The following SEMA3F variants were observed in gnomAD, a reference collection of about 807,000 sequenced individuals.
The protein encoded by SEMA3F is semaphorin-3F.
In SEMA3F, 30 loss-of-function variants were observed where a neutral mutation model predicts 98.5. That is an observed-to-expected ratio of 0.30 (90% confidence interval 0.23 to 0.41). SEMA3F has a LOEUF of 0.41. Ranked by LOEUF, SEMA3F falls within the 10% of genes least tolerant of loss-of-function variation. The pLI is 1.00. For synonymous variants in SEMA3F, 380 were observed against 444.8 expected (o/e 0.85, Z 1.83); for missense variants, 866 against 1,119.3 (o/e 0.77, Z 3.23).
intron 7 of SEMA3F, among the ~76,000 whole-genome samples, chr3:50,178,148 A>C (rs927415690): frequency 2.6e-5 from 4 of 152,084 alleles, no homozygotes; most frequent in Non-Finnish European, 4.4e-5. Context: ...AGGCTGAGGC[A>C]GGAGAATCAC....
Position 50,185,424 on chromosome 3 carries a change from C to A in SEMA3F, c.1457-19C>A. On this transcript the variant is annotated intron_variant, in intron 13 of 18. Coordinates refer to ENST00000002829, the MANE Select transcript of SEMA3F (RefSeq NM_004186.5). ...CCAGCATCCCCAGCCCCACTGAGGC[C>A]CTGCCCGGCCCGTTCCAGACCGCGG... 5.0e-6 allele frequency: 8 copies of A among 1,606,646 alleles called. No individual in the cohort carries two copies. Among genetic ancestry groups the A allele is most frequent in the Non-Finnish European group, 6.8e-6 (8 of 1,176,610 alleles).
At position 50,159,579 on chromosome 3, in the gene SEMA3F, C is replaced by G; in HGVS notation, c.-44C>G. 8.1e-7 allele frequency: 1 copy of G among 1,239,394 alleles called. No homozygotes were observed. Among genetic ancestry groups the G allele is most frequent in the South Asian group, 1.3e-5 (1 of 77,746 alleles). 76.8% of individuals were successfully genotyped at this position (1,239,394 alleles called of 1,614,324 possible). A position where few individuals can be genotyped will look rare whatever the true frequency, so the allele number is the denominator to read the frequency against. On this transcript the variant is annotated 5_prime_UTR_variant, in exon 2 of 19. Coordinates refer to ENST00000002829, the MANE Select transcript of SEMA3F (RefSeq NM_004186.5). ...AATCTTGGTTCCCCTTCCCAGGTTT[C>G]TAGAGAGTGGAGCCTGCTTCCTGGG...
intron 7 of SEMA3F, among the ~76,000 whole-genome samples, chr3:50,178,654 G>A (rs1698904238): frequency 6.6e-6 from 1 of 150,634 alleles, no homozygotes; most frequent in African/African-American, 2.4e-5. Flanking sequence ...CCTGGGAGGT[G>A]GAAGTTGCAG....
At chr3:50,185,367 T>G (rs570556081) in intron 13 of SEMA3F, 76 bp from the exon 14 acceptor site, 2 of 1,402,120 alleles carry the variant, frequency 1.4e-6, no homozygotes, top group South Asian at 2.6e-5. Flanking sequence ...TGGGCCCTGG[T>G]GGGGGAAGGG....
rs559752131 is a variant in SEMA3F at position 50,156,296 on chromosome 3, G to A, written c.-49+732G>A. On this transcript the variant is annotated intron_variant, in intron 1 of 18. Coordinates refer to ENST00000002829, the MANE Select transcript of SEMA3F (RefSeq NM_004186.5). This position sits in a 1 kb window ranked among gnomAD's most constrained non-coding sequence, Gnocchi z 4.5. ...TTGGCGGGGTTGCCCCCAGCAGATGGGACAGGAGGGTATCAAAGTTGGCCT... is the reference window on the plus strand; with the variant it reads ...TTGGCGGGGTTGCCCCCAGCAGATGAGACAGGAGGGTATCAAAGTTGGCCT... Among the ~76,000 whole-genome samples, 35 of 152,362 alleles carry A rather than the reference G, an allele frequency of 2.3e-4. No individual in the cohort carries two copies. Among genetic ancestry groups the A allele is most frequent in the Middle Eastern group, 3.4e-3 (1 of 294 alleles).
chr3:50,185,889 C>A lies in SEMA3F; in HGVS notation c.1588C>A (p.Gln530Lys). ...GACAAGGCCCTACCCTTTGCCCCAG[C>A]AACAACTCTACGTGGCGTCAGCCGT... The part of the protein sequence containing the change: ...VKTMTISSKR[Q>K]QLYVASAVGV... Residue 530 changes from glutamine to lysine, a missense_variant and splice_region_variant, in exon 16 of 19, where the codon CAA (glutamine) becomes AAA (lysine). By Grantham distance (53) the Gln-to-Lys change is moderately conservative (BLOSUM62 1). Transcript: ENST00000002829. The A allele has an allele frequency of 6.2e-7, 1 of 1,610,270 alleles. No homozygotes were observed.
Position 50,156,243 on chromosome 3 carries a change from G to A in SEMA3F, c.-49+679G>A, listed in dbSNP as rs1697975972. Among the ~76,000 whole-genome samples, 1 of 152,242 alleles carries A rather than the reference G, an allele frequency of 6.6e-6. No individual in the cohort carries two copies. The highest frequency in any genetic ancestry group is 2.1e-4 in the South Asian group (1 of 4,836). On this transcript the variant is annotated intron_variant, in intron 1 of 18. Transcript: ENST00000002829. The surrounding 1 kb of genome is among the most constrained non-coding windows in gnomAD (Gnocchi z 4.5). Reference sequence around the variant, plus strand: ...CCTAGTTTGAACCAGGGGTCCCAGTGGTGAAGTGGGCAGGGGACAGCGGGG... The same window carrying A: ...CCTAGTTTGAACCAGGGGTCCCAGTAGTGAAGTGGGCAGGGGACAGCGGGG...
chr3:50,177,127 T>C (rs1352700776), intron 7 of SEMA3F, among the ~76,000 whole-genome samples: 2 of 152,228 alleles, frequency 1.3e-5, no homozygotes, highest in South Asian at 2.1e-4. Context: ...ACACACAATG[T>C]GGTCCATGCA....
chr3:50,186,192 A>C (rs1284853653), intron 16 of SEMA3F, 89 bp from the exon 17 acceptor site: 2 of 1,498,588 alleles, frequency 1.3e-6, no homozygotes, highest in Non-Finnish European at 1.8e-6. Context: ...CCCTGGGGAA[A>C]AAGGGCCCTG....
At chr3:50,160,306 C>T (rs1698156892) in intron 2 of SEMA3F, among the ~76,000 whole-genome samples, 1 of 152,170 alleles carries the variant, frequency 6.6e-6, no homozygotes, top group South Asian at 2.1e-4. Context: ...CCGGTGGGTT[C>T]AGGCAGAGCA....
chr3:50,163,147 C>T (rs1383777762), intron 2 of SEMA3F, among the ~76,000 whole-genome samples: 2 of 152,188 alleles, frequency 1.3e-5, no homozygotes, highest in African/African-American at 2.4e-5. Flanking sequence ...TTCACATGAG[C>T]TAGGAACAAG....
chr3:50,174,031 T>G, intron 3 of SEMA3F, 21 bp from the exon 4 acceptor site: 2 of 1,614,016 alleles, frequency 1.2e-6, no homozygotes, highest in Non-Finnish European at 1.7e-6. Context: ...AGGCTGCACC[T>G]TCTGACCCCC....
chr3:50,174,399 T>G, intron 5 of SEMA3F, 49 bp downstream of exon 5: 1 of 1,575,074 alleles, frequency 6.3e-7, no homozygotes, highest in Non-Finnish European at 8.6e-7. Flanking sequence ...GGTGGCTGCA[T>G]CCCAGGGTCC....
rs1285043620 is a variant in SEMA3F, at chr3:50,184,661, AT to A, written c.1304del (p.Met435SerfsTer20). 6.2e-7 allele frequency: 1 copy of A among 1,614,162 alleles called. No homozygotes were observed. On this transcript the variant is annotated frameshift_variant, in exon 13 of 19. Transcript: ENST00000002829. LOFTEE classifies it high-confidence loss of function. ...TTATCCTGATGAGGTGATCAACTTC[AT>A]GCGCAGCCACCCACTCATGTACCAG... The part of the protein sequence containing the change: ...KDYPDEVINF[M>X]RSHPLMYQAV...
intron 2 of SEMA3F, among the ~76,000 whole-genome samples, chr3:50,172,991 A>G (rs1575391416): frequency 6.6e-6 from 1 of 152,254 alleles, no homozygotes; most frequent in East Asian, 1.9e-4. Context: ...GCTGTTGCGT[A>G]CCCTGGCCCG....
At chr3:50,161,710 G>A (rs1575376463) in intron 2 of SEMA3F, among the ~76,000 whole-genome samples, 1 of 152,240 alleles carries the variant, frequency 6.6e-6, no homozygotes, top group African/African-American at 2.4e-5. Context: ...CTGAGTGCTG[G>A]GGACTCTGTG....
In SEMA3F at chr3:50,182,506, TGACTACCTGGGGCAGGG is replaced by T; in HGVS notation, c.763+105_764-120del. ...GGGAAGTGGGGACATGTTTAGCCTA[TGACTACCTGGGGCAGGG>T]GTAGTTTCTTATCTGGAGAGGAGTT... On this transcript the variant is annotated intron_variant, in intron 8 of 18. Coordinates refer to ENST00000002829, the MANE Select transcript of SEMA3F (RefSeq NM_004186.5). The surrounding 1 kb of genome is among the most constrained non-coding windows in gnomAD (Gnocchi z 4.5). 1 of 1,581,538 alleles carries T rather than the reference TGACTACCTGGGGCAGGG, an allele frequency of 6.3e-7. No individual in the cohort carries two copies. Among genetic ancestry groups the T allele is most frequent in the Non-Finnish European group, 8.6e-7 (1 of 1,158,858 alleles).
intron 2 of SEMA3F, among the ~76,000 whole-genome samples, chr3:50,160,945 T>C (rs1323422707): frequency 6.6e-6 from 1 of 152,232 alleles, no homozygotes; most frequent in Non-Finnish European, 1.5e-5. Flanking sequence ...AGAAATGGGC[T>C]GAGAAGAGTT....
Position 50,156,659 on chromosome 3 carries a change from G to A in SEMA3F, c.-49+1095G>A, listed in dbSNP as rs767307871. On this transcript the variant is annotated intron_variant, in intron 1 of 18. Transcript: ENST00000002829. The surrounding 1 kb of genome is among the most constrained non-coding windows in gnomAD (Gnocchi z 4.5). ...CCAGGCTACCCAAGGGGTGTGCCAGGACCCCGTAGGGTATAGTGTCTAGGC... is the reference window on the plus strand; with the variant it reads ...CCAGGCTACCCAAGGGGTGTGCCAGAACCCCGTAGGGTATAGTGTCTAGGC... Among the ~76,000 whole-genome samples the A allele has an allele frequency of 2.0e-5, 3 of 152,214 alleles. No individual in the cohort carries two copies. The highest frequency in any genetic ancestry group is 4.4e-5 in the Non-Finnish European group (3 of 68,038).
Sources: allele counts gnomAD v4.1 joint callset (sites outside exome capture counted in the v4.1 genomes callset), GRCh38; gene constraint gnomAD v4.1.1; non-coding constraint Gnocchi (gnomAD v3.1); transcripts MANE v1.5; gene names NCBI Gene and HGNC (gene_info 2026-07-23, HGNC 2026-07-21).